Variants in VPS41 observed in about 807,000 individuals in gnomAD.
VPS41 encodes the protein vacuolar protein sorting-associated protein 41 homolog.
In VPS41, 85 loss-of-function variants were observed where a neutral mutation model predicts 130.9. The observed-to-expected ratio is 0.65, with a 90% confidence interval of 0.55 to 0.78. The LOEUF (loss-of-function observed/expected upper bound fraction) is 0.78. Ranked by LOEUF, VPS41 falls within the 30% of genes least tolerant of loss-of-function variation. The pLI, the probability that VPS41 is intolerant of heterozygous loss-of-function variation, is 0.00. For missense variants in VPS41, 874 were observed against 1,018.7 expected, an observed-to-expected ratio of 0.86 and a Z score of 1.93; for synonymous variants, 335 against 332.9, an observed-to-expected ratio of 1.01 and a Z score of -0.07.
chr7:38,881,070 T>C (rs1057052728), intron 2 of VPS41, among the ~76,000 whole-genome samples: 2 of 151,852 alleles, frequency 1.3e-5, no homozygotes, highest in African/African-American at 4.9e-5. Flanking sequence ...CTATCATTGC[T>C]GTAAAAAAAA....
rs1784505154 is a variant in VPS41, at chr7:38,789,862, G to A, written c.723C>T (p.Cys241=). Residue 241 remains cysteine, a synonymous_variant, in exon 10 of 29, where the codon TGC becomes TGT. Transcript: ENST00000310301. The part of the protein sequence containing the change: ...IIGWGTSVKV[C]SVKERHASEM... ...CACTGGCATGCCGTTCCTTCACTGA[G>A]CACACCTGGAAAATAAGTTCGCAGG... 1.9e-6 allele frequency: 3 copies of A among 1,613,558 alleles called. No individual in the cohort carries two copies. The highest frequency in any genetic ancestry group is 1.3e-5 in the African/African-American group (1 of 74,894).
chr7:38,767,105 A>G (rs1169006416), intron 15 of VPS41, among the ~76,000 whole-genome samples: 1 of 151,972 alleles, frequency 6.6e-6, no homozygotes, highest in Admixed American at 6.6e-5. Context: ...AAATGTTGAC[A>G]CTCTATTTGA....
chr7:38,729,026 A>G (rs1445662961), intron 25 of VPS41, among the ~76,000 whole-genome samples: 1 of 152,034 alleles, frequency 6.6e-6, no homozygotes, highest in Non-Finnish European at 1.5e-5. Context: ...CCAACCATAC[A>G]CGGGCTCCTG....
rs1784212083 is a variant in VPS41, at chr7:38,774,264, A to G, written c.883-20T>C. The stretch of plus-strand genomic sequence containing the variant: ...TCTTTCCTAGTGGGGGAAAAGAGAG[A>G]AACATTAATTTAAATTACATTTCTA... On this transcript the variant is annotated intron_variant, in intron 11 of 28. Transcript: ENST00000310301. 1 of 1,558,770 alleles carries G rather than the reference A, an allele frequency of 6.4e-7. No individual in the cohort carries two copies.
rs1282725802 is a variant in VPS41 at position 38,723,050 on chromosome 7, TAAGGAA to T, written c.*3190_*3195del. On this transcript the variant is annotated 3_prime_UTR_variant, in exon 29 of 29. Coordinates refer to ENST00000310301, the MANE Select transcript of VPS41 (RefSeq NM_014396.4). ...GCTAAAGAAAATAGTAAGAAAATCATAAGGAAAAGAAAATATATTTACTACTCATTA... is the reference window on the plus strand; with the variant it reads ...GCTAAAGAAAATAGTAAGAAAATCATAAGAAAATATATTTACTACTCATTA... 1.3e-5 allele frequency: 2 copies of T among 152,150 alleles called. No homozygotes were observed. The highest frequency in any genetic ancestry group is 3.9e-4 in the East Asian group (2 of 5,190). The allele number at this position is 152,150 out of a possible 1,614,324, so 9.4% of individuals were successfully genotyped here. A position where few individuals can be genotyped will look rare whatever the true frequency, so the allele number is the denominator to read the frequency against.
chr7:38,768,457 C>A (rs1784090998), intron 14 of VPS41, among the ~76,000 whole-genome samples: 1 of 151,758 alleles, frequency 6.6e-6, no homozygotes, highest in African/African-American at 2.4e-5. Context: ...TATGAAATTA[C>A]ATCATGCTAA....
chr7:38,816,926 G>A (rs1484003093), intron 7 of VPS41, among the ~76,000 whole-genome samples: 2 of 152,004 alleles, frequency 1.3e-5, no homozygotes, highest in Non-Finnish European at 2.9e-5. Context: ...TCATTTTTTT[G>A]TAGAGTCGGT....
chr7:38,800,379 C>T (rs942173760), intron 7 of VPS41, among the ~76,000 whole-genome samples: 5 of 152,036 alleles, frequency 3.3e-5, no homozygotes, highest in Non-Finnish European at 7.4e-5. Flanking sequence ...TCGATAAATG[C>T]GTGCTGAAAT....
chr7:38,771,077 A>G, intron 14 of VPS41, 121 bp downstream of exon 14: 1 of 733,866 alleles, frequency 1.4e-6, no homozygotes, highest in Non-Finnish European at 2.3e-6. Flanking sequence ...TAGGTTAGGG[A>G]ATTAGTTTAA....
intron 14 of VPS41, among the ~76,000 whole-genome samples, chr7:38,770,573 G>C (rs1284526214): frequency 2.0e-5 from 3 of 152,060 alleles, no homozygotes; most frequent in Admixed American, 2.0e-4. Context: ...GAAAGAATTT[G>C]TACTGAAACC....
Position 38,860,697 on chromosome 7 carries a change from T to TTGTG in VPS41, c.246+1844_246+1847dup, listed in dbSNP as rs59007809. 8.6e-3 allele frequency among the ~76,000 whole-genome samples: 1,232 copies of TTGTG among 143,474 alleles called. 9 individuals are homozygous for TTGTG. The highest frequency in any genetic ancestry group is 0.021 in the African/African-American group (792 of 38,536). 94.1% of individuals were successfully genotyped at this position (143,474 alleles called of 152,430 possible). ...AATTAAGCTATTATTAACAATCTGT[T>TTGTG]TGTGTGTGTGTGTGTGTGTGTGTGT... On this transcript the variant is annotated intron_variant, in intron 4 of 28. Coordinates refer to ENST00000310301, the MANE Select transcript of VPS41 (RefSeq NM_014396.4).
At chr7:38,786,907 C>A (rs532795340) in intron 10 of VPS41, among the ~76,000 whole-genome samples, 3 of 152,178 alleles carry the variant, frequency 2.0e-5, no homozygotes, top group South Asian at 2.1e-4. Context: ...ATACTTAGAT[C>A]TAGGAAAGAA....
intron 22 of VPS41, among the ~76,000 whole-genome samples, chr7:38,748,238 C>T (rs1436254697): frequency 2.6e-5 from 4 of 151,968 alleles, no homozygotes; most frequent in Non-Finnish European, 5.9e-5. Context: ...CACACACACG[C>T]GGACAATGCA....
At chr7:38,756,407 C>T (rs908611537) in intron 19 of VPS41, among the ~76,000 whole-genome samples, 13 of 152,172 alleles carry the variant, frequency 8.5e-5, no homozygotes, top group African/African-American at 2.4e-5. Context: ...GGAAACCCCA[C>T]ATGCTGGATA....
At chr7:38,775,098 G>C (rs1006165550) in intron 11 of VPS41, 2 of 152,052 alleles carry the variant, frequency 1.3e-5, no homozygotes, top group Non-Finnish European at 2.9e-5. Flanking sequence ...GGCTATTTGG[G>C]GGATAATACT....
At chr7:38,890,720 C>G (rs186838185) in intron 2 of VPS41, among the ~76,000 whole-genome samples, 39 of 151,466 alleles carry the variant, frequency 2.6e-4, no homozygotes, top group African/African-American at 8.5e-4. Context: ...GGGTCTTGCT[C>G]TGCTGTCCAG....
At chr7:38,727,043 T>A (rs1795559062) in intron 27 of VPS41, 55 bp from the exon 28 acceptor site, 2 of 1,425,524 alleles carry the variant, frequency 1.4e-6, no homozygotes, top group East Asian at 5.3e-5. Flanking sequence ...CAAGATCATT[T>A]TAAACCAATC....
chr7:38,823,391 T>C (rs1785213587), intron 5 of VPS41, among the ~76,000 whole-genome samples: 1 of 152,198 alleles, frequency 6.6e-6, no homozygotes, highest in African/African-American at 2.4e-5. Context: ...CTTCCCAGCC[T>C]TCAGAACTGT....
rs1783899142 is a variant in VPS41 at position 38,760,975 on chromosome 7, G to A, written c.1422+2480C>T. On this transcript the variant is annotated intron_variant, in intron 17 of 28. Transcript: ENST00000310301. ...CTACCAAAGTAGCCCCTGGAAGGATGGCAAGAGACCAGAACAAAAGACCAC... is the reference window on the plus strand; with the variant it reads ...CTACCAAAGTAGCCCCTGGAAGGATAGCAAGAGACCAGAACAAAAGACCAC... Among the ~76,000 whole-genome samples the A allele has an allele frequency of 2.6e-5, 4 of 152,142 alleles. No homozygotes were observed. In the South Asian group the frequency reaches 8.3e-4, roughly 32 times the overall value.
Sources: gnomAD v4.1 joint callset for allele counts (sites outside exome capture counted in the v4.1 genomes callset) on GRCh38, gnomAD v4.1.1 for gene constraint, MANE v1.5 for transcripts, NCBI Gene and HGNC (gene_info 2026-07-23, HGNC 2026-07-21) for gene names.